Variants in SLC34A2 observed in about 807,000 individuals in gnomAD.
SLC34A2 encodes sodium-dependent phosphate transport protein 2B.
In SLC34A2, 41 loss-of-function variants were observed where a neutral mutation model predicts 50.8. The ratio of observed to expected loss-of-function variants is 0.81; its 90% CI spans 0.63 to 1.05. The LOEUF is 1.05. Ranked by LOEUF, SLC34A2 falls within the 50% of genes least tolerant of loss-of-function variation. SLC34A2 has a pLI of 0.00. For synonymous variants in SLC34A2, 401 were observed against 364.2 expected (o/e 1.10, Z -1.15); for missense variants, 879 against 876.7 (o/e 1.00, Z -0.03).
intron 5 of SLC34A2, 81 bp from the exon 6 acceptor site, chr4:25,667,799 A>T: frequency 1.1e-6 from 1 of 877,934 alleles, no homozygotes; most frequent in Non-Finnish European, 1.9e-6. Context: ...CTACTTCTTT[A>T]GAGGATACCA....
At chr4:25,663,925 C>A (rs1034687119) in intron 3 of SLC34A2, among the ~76,000 whole-genome samples, 3 of 152,196 alleles carry the variant, frequency 2.0e-5, no homozygotes, top group Admixed American at 6.5e-5. Flanking sequence ...TTTTCTGTCG[C>A]AGACCACATT....
intron 6 of SLC34A2, among the ~76,000 whole-genome samples, chr4:25,668,591 G>A (rs1253395717): frequency 2.0e-5 from 3 of 151,112 alleles, no homozygotes; most frequent in African/African-American, 4.9e-5. Flanking sequence ...GCAGTGAGTC[G>A]AGATCGTGCC....
chr4:25,666,503 A>G (rs1406941767), intron 5 of SLC34A2, among the ~76,000 whole-genome samples: 1 of 152,202 alleles, frequency 6.6e-6, no homozygotes, highest in African/African-American at 2.4e-5. Context: ...CTCAGCTCTG[A>G]ATTCTCTAGT....
Position 25,676,728 on chromosome 4 carries a change from G to T in SLC34A2, c.2052G>T (p.Lys684Asn), listed in dbSNP as rs2109063138. The change falls in exon 13 of 13, where the codon AAG becomes AAT. Residue 684 changes from lysine to asparagine, a missense_variant. By Grantham distance (94) the Lys-to-Asn change is moderately conservative. Transcript: ENST00000382051. The part of the protein sequence containing the change: ...AQGEVPASDS[K>N]TECTAL The stretch of plus-strand genomic sequence containing the variant: ...GTGAGGTCCCTGCCTCGGACTCAAA[G>T]ACCGAATGCACGGCCTTGTAGGGGA... The T allele has an allele frequency of 6.2e-7, 1 of 1,614,184 alleles. No individual in the cohort carries two copies. Among genetic ancestry groups the T allele is most frequent in the East Asian group, 2.2e-5 (1 of 44,882 alleles).
chr4:25,666,125 C>T lies in SLC34A2; in HGVS notation c.380-3C>T, dbSNP rs74598090. Reference sequence around the variant, plus strand: ...TTTTTGTTTGTTTGTTTGTTTTTCCCAGGAAAAATGGCAGGACAGTTCTTC... The same window carrying T: ...TTTTTGTTTGTTTGTTTGTTTTTCCTAGGAAAAATGGCAGGACAGTTCTTC... On this transcript the variant is annotated splice_region_variant and splice_polypyrimidine_tract_variant and intron_variant, in intron 4 of 12. Transcript: ENST00000382051. The T allele has an allele frequency of 1.0e-4, 165 of 1,613,260 alleles. No homozygotes were observed. Among genetic ancestry groups the T allele is most frequent in the Middle Eastern group, 9.9e-4 (6 of 6,062 alleles).
At chr4:25,657,330 A>T (rs1577486561) in intron 1 of SLC34A2, among the ~76,000 whole-genome samples, 1 of 151,706 alleles carries the variant, frequency 6.6e-6, no homozygotes, top group East Asian at 1.9e-4. Context: ...GGCATCTTCC[A>T]CTCCTCCATC....
At chr4:25,661,515 G>A (rs1714182696) in intron 1 of SLC34A2, among the ~76,000 whole-genome samples, 1 of 152,058 alleles carries the variant, frequency 6.6e-6, no homozygotes, top group Non-Finnish European at 1.5e-5. Context: ...AGCCTCCTAA[G>A]TAGCTGGGAT....
chr4:25,659,279 C>T (rs1714056919), intron 1 of SLC34A2, among the ~76,000 whole-genome samples: 1 of 152,070 alleles, frequency 6.6e-6, no homozygotes, highest in African/African-American at 2.4e-5. Flanking sequence ...AAACTCCTTC[C>T]TTGGTAGATT....
chr4:25,662,219 C>T (rs1017299441), intron 1 of SLC34A2, among the ~76,000 whole-genome samples: 43 of 152,132 alleles, frequency 2.8e-4, no homozygotes, highest in African/African-American at 9.4e-4. Flanking sequence ...AACAAGTTTA[C>T]GAGATTAAAG....
chr4:25,668,502 C>T (rs539199610), intron 6 of SLC34A2, among the ~76,000 whole-genome samples: 20 of 152,120 alleles, frequency 1.3e-4, no homozygotes, highest in Non-Finnish European at 2.5e-4. Flanking sequence ...ATTAGCCGGC[C>T]GTGGTTGCCA....
intron 4 of SLC34A2, 48 bp downstream of exon 4, chr4:25,664,378 A>C: frequency 6.2e-7 from 1 of 1,610,818 alleles, no homozygotes; most frequent in South Asian, 1.1e-5. Flanking sequence ...CATTATCTTG[A>C]AATGTGGTTC....
Position 25,676,239 on chromosome 4 carries a change from C to A in SLC34A2, c.1563C>A (p.Ile521=). The A allele has an allele frequency of 6.2e-7, 1 of 1,614,216 alleles. No individual in the cohort carries two copies. Among genetic ancestry groups the A allele is most frequent in the Non-Finnish European group, 8.5e-7 (1 of 1,180,036 alleles). ...PIRMAKGLGN[I]SAKYRWFAVF... ...GCATGGCCAAGGGGCTGGGCAACAT[C>A]TCTGCCAAGTATCGCTGGTTCGCCG... The change falls in exon 13 of 13, where the codon ATC becomes ATA. Residue 521 remains isoleucine (I), a synonymous_variant. Transcript: ENST00000382051.
At chr4:25,667,832 T>C (rs777797160) in intron 5 of SLC34A2, 48 bp from the exon 6 acceptor site, 2 of 1,288,696 alleles carry the variant, frequency 1.6e-6, no homozygotes, top group East Asian at 4.6e-5. Flanking sequence ...TTAGCCTGCC[T>C]CCAGGCTGCC....
rs761139382 is a variant in SLC34A2, at chr4:25,669,753, A to G, written c.742A>G (p.Ile248Val). ...TTACCTCGAGATCATAACCCAGCTTATAGTGGAGAGCTTCCACTTCAAGAA... is the reference window on the plus strand; with the variant it reads ...TTACCTCGAGATCATAACCCAGCTTGTAGTGGAGAGCTTCCACTTCAAGAA... ...THYLEIITQL[I>V]VESFHFKNGE... Residue 248 changes from isoleucine to valine, a missense_variant, in exon 7 of 13, where the codon ATA becomes GTA. By Grantham distance (29) the Ile-to-Val change is conservative (BLOSUM62 3). Coordinates refer to ENST00000382051, the MANE Select transcript of SLC34A2 (RefSeq NM_006424.3). The G allele has an allele frequency of 3.1e-6, 5 of 1,614,014 alleles. No individual in the cohort carries two copies. In the African/African-American group the frequency reaches 6.7e-5, roughly 22 times the overall value.
At chr4:25,668,648 A>AT (rs1714637998) in intron 6 of SLC34A2, among the ~76,000 whole-genome samples, 2 of 151,918 alleles carry the variant, frequency 1.3e-5, no homozygotes, top group African/African-American at 4.8e-5. Context: ...TCTAAAAAAA[A>AT]AAAAAAAAAT....
chr4:25,670,922 A>C, intron 8 of SLC34A2, 89 bp downstream of exon 8: 1 of 1,073,620 alleles, frequency 9.3e-7, no homozygotes, highest in Non-Finnish European at 1.4e-6. Flanking sequence ...AGGTAAATAG[A>C]AAGTCAGGGG....
chr4:25,669,969 T>G, intron 7 of SLC34A2, 127 bp downstream of exon 7: 2 of 928,432 alleles, frequency 2.2e-6, no homozygotes, highest in Non-Finnish European at 3.5e-6. Flanking sequence ...ACCCTTGTTT[T>G]CCCAGCACTT....
At chr4:25,671,465 A>G in intron 8 of SLC34A2, 136 bp from the exon 9 acceptor site, 2 of 1,032,536 alleles carry the variant, frequency 1.9e-6, no homozygotes, top group Non-Finnish European at 3.0e-6. Flanking sequence ...TCTTCAAGAG[A>G]AAAGAACTGT....
At position 25,676,182 on chromosome 4, in the gene SLC34A2, G is replaced by T; in HGVS notation, c.1506G>T (p.Trp502Cys). Residue 502 changes from tryptophan to cysteine, a missense_variant, in exon 13 of 13, where the codon TGG becomes TGT. Transcript: ENST00000382051. ...FFFNISGILL[W>C]YPIPFTRLPI... Reference sequence around the variant, plus strand: ...TCAACATCTCCGGCATCTTGCTGTGGTACCCGATCCCGTTCACTCGCCTGC... The same window carrying T: ...TCAACATCTCCGGCATCTTGCTGTGTTACCCGATCCCGTTCACTCGCCTGC... 2 of 1,614,146 alleles carry T rather than the reference G, an allele frequency of 1.2e-6. No individual in the cohort carries two copies. The highest frequency in any genetic ancestry group is 1.7e-6 in the Non-Finnish European group (2 of 1,180,030).
Sources: gnomAD v4.1 joint callset for allele counts (sites outside exome capture counted in the v4.1 genomes callset) on GRCh38, gnomAD v4.1.1 for gene constraint, MANE v1.5 for transcripts, NCBI Gene and HGNC (gene_info 2026-07-23, HGNC 2026-07-21) for gene names.